LRP4: variants seen among roughly 807,000 people sequenced by gnomAD.
LRP4 encodes LDL receptor related protein 4.
Under a neutral mutation model 220.3 loss-of-function variants are expected in LRP4, and 95 were observed. The ratio of observed to expected loss-of-function variants is 0.43; its 90% confidence interval spans 0.37 to 0.51. The LOEUF is 0.51. Ranked by LOEUF, LRP4 falls within the 20% of genes least tolerant of loss-of-function variation. The probability of loss-of-function intolerance (pLI) is 0.00; values close to 1 mark genes in which losing one functional copy is unlikely to be tolerated. For synonymous variants in LRP4, 903 were observed against 954.6 expected, an observed-to-expected ratio of 0.95 and a Z score of 1.00; for missense variants, 1,925 against 2,567.0, an observed-to-expected ratio of 0.75 and a Z score of 5.40.
intron 35 of LRP4, 123 bp from the exon 36 acceptor site, chr11:46,864,658 G>T: frequency 1.4e-6 from 1 of 725,170 alleles, no homozygotes. Flanking sequence ...TCTGAGGATG[G>T]CTAAGGGCCT....
intron 1 of LRP4, among the ~76,000 whole-genome samples, chr11:46,915,011 G>A (rs1408403109): frequency 1.3e-5 from 2 of 152,124 alleles, no homozygotes; most frequent in African/African-American, 2.4e-5. Context: ...CATACCCAAC[G>A]TGCTCTGTAT....
rs748636802 is a variant in LRP4 at position 46,879,008 on chromosome 11, C to A, written c.3035G>T (p.Gly1012Val). The A allele has an allele frequency of 3.7e-6, 6 of 1,614,124 alleles. No individual in the cohort carries two copies. The Admixed American group carries it at 8.3e-5, about 22-fold the overall frequency. Residue 1012 changes from glycine (G) to valine (V), a missense_variant, in exon 22 of 38, where the codon GGC becomes GTC. Around this residue, in one of 3 missense-constraint regions of LRP4, gnomAD observed 1,244 missense variants for 1,624.9 expected, o/e 0.77. Coordinates refer to ENST00000378623, the MANE Select transcript of LRP4 (RefSeq NM_002334.4). Reference protein sequence around the residue: ...VSTPCAMENGGCSHLCLRSPN... With the variant: ...VSTPCAMENGVCSHLCLRSPN... ...GGACCTAAGACACAGGTGGCTACAG[C>A]CGCCATTCTCCATAGCACATGGTGT... is the stretch of plus-strand genomic sequence containing the variant.
chr11:46,872,900 C>A (rs1211413822), intron 30 of LRP4, among the ~76,000 whole-genome samples, 200 bp downstream of exon 30: 1 of 152,202 alleles, frequency 6.6e-6, no homozygotes, highest in African/African-American at 2.4e-5. Context: ...TGTAAACCAG[C>A]CAAACAAAAC....
At chr11:46,863,009 A>G (rs1940598892) in intron 36 of LRP4, 1 of 486,814 alleles carries the variant, frequency 2.1e-6, no homozygotes, top group Non-Finnish European at 3.7e-6. Context: ...GCCCTCCCTC[A>G]TTCTCTTTTG....
chr11:46,878,888 C>G lies in LRP4; in HGVS notation c.3136+19G>C. On this transcript the variant is annotated intron_variant, in intron 22 of 37. Coordinates refer to ENST00000378623, the MANE Select transcript of LRP4 (RefSeq NM_002334.4). ...CCTCCCAGAGAGGCTGCATCTAGAT[C>G]TGTGATGCTTTCACTCACCTGGTGA... 1 of 1,613,944 alleles carries G rather than the reference C, an allele frequency of 6.2e-7. No individual in the cohort carries two copies. The highest frequency in any genetic ancestry group is 1.3e-5 in the African/African-American group (1 of 75,048).
chr11:46,871,656 G>A, intron 30 of LRP4, 23 bp from the exon 31 acceptor site: 1 of 1,517,174 alleles, frequency 6.6e-7, no homozygotes, highest in Non-Finnish European at 9.1e-7. Context: ...TGAAAAGAGT[G>A]GCTGCTCCAA....
In LRP4 at chr11:46,899,639, A is replaced by C. The variant is rs995156310; in HGVS notation, c.431-136T>G. 8.2e-5 allele frequency: 63 copies of C among 772,660 alleles called. No homozygotes were observed. Among genetic ancestry groups the C allele is most frequent in the Middle Eastern group, 2.7e-4 (1 of 3,662 alleles). 47.9% of individuals were successfully genotyped at this position (772,660 alleles called of 1,614,324 possible). On this transcript the variant is annotated intron_variant, in intron 4 of 37. Coordinates refer to ENST00000378623, the MANE Select transcript of LRP4 (RefSeq NM_002334.4). The surrounding 1 kb of genome is among the most constrained non-coding windows in gnomAD (Gnocchi z 5.9). ...GAAAGGCACCCCAGAGTCAGTGCAG[A>C]CTCTCCAGGGAGAACGGAGGCCCTG...
rs1941074584 is a variant in LRP4 at position 46,878,600 on chromosome 11, G to C, written c.3136+307C>G. Among the ~76,000 whole-genome samples the C allele has an allele frequency of 2.6e-5, 4 of 152,090 alleles. No individual in the cohort carries two copies. The South Asian group carries it at 8.3e-4, about 32-fold the overall frequency. On this transcript the variant is annotated intron_variant, in intron 22 of 37. Coordinates refer to ENST00000378623, the MANE Select transcript of LRP4 (RefSeq NM_002334.4). Reference sequence around the variant, plus strand: ...GAAGTGTCTTATTCCAACCAAATCAGTATATTATGACAATGTACTAAGAGA... The same window carrying C: ...GAAGTGTCTTATTCCAACCAAATCACTATATTATGACAATGTACTAAGAGA...
At chr11:46,908,765 C>A (rs1941804262) in intron 1 of LRP4, among the ~76,000 whole-genome samples, 2 of 152,208 alleles carry the variant, frequency 1.3e-5, no homozygotes, top group African/African-American at 4.8e-5. Context: ...GTCTGGCGTC[C>A]CAGCACTTTT....
At chr11:46,879,073 G>T in intron 21 of LRP4, 35 bp from the exon 22 acceptor site, 1 of 1,614,230 alleles carries the variant, frequency 6.2e-7, no homozygotes, top group South Asian at 1.1e-5. Flanking sequence ...AATGGGGAGA[G>T]CTAGGGCATA....
chr11:46,887,779 C>T (rs942794026), intron 16 of LRP4, among the ~76,000 whole-genome samples: 4 of 151,762 alleles, frequency 2.6e-5, no homozygotes, highest in Admixed American at 1.3e-4. Context: ...TACAATGAGC[C>T]GAGATCATGC....
At chr11:46,862,395 T>C (rs1181377128) in intron 37 of LRP4, among the ~76,000 whole-genome samples, 1 of 152,230 alleles carries the variant, frequency 6.6e-6, no homozygotes, top group Non-Finnish European at 1.5e-5. Flanking sequence ...CCTTCTAACC[T>C]GGCTCTCACT....
Position 46,873,170 on chromosome 11 carries a change from C to G in LRP4, c.4513G>C (p.Glu1505Gln), listed in dbSNP as rs1257825434. The G allele has an allele frequency of 6.2e-7, 1 of 1,614,070 alleles. No individual in the cohort carries two copies. The highest frequency in any genetic ancestry group is 2.2e-5 in the East Asian group (1 of 44,896). ...KIERANLDGS[E>Q]RKVLINTDLG... ...TCTGTGTTGATGAGGACCTTCCGCTCAGAACCATCCAAGTTTGCCCGTTCG... is the reference window on the plus strand; with the variant it reads ...TCTGTGTTGATGAGGACCTTCCGCTGAGAACCATCCAAGTTTGCCCGTTCG... Residue 1505 changes from glutamate (E) to glutamine (Q), a missense_variant, in exon 30 of 38, where the codon GAG becomes CAG. By Grantham distance (29) the Glu-to-Gln change is conservative (BLOSUM62 2). Transcript: ENST00000378623. The surrounding 1 kb of genome is among the most constrained non-coding windows in gnomAD (Gnocchi z 4.2).
chr11:46,913,592 G>A (rs1941902806), intron 1 of LRP4, among the ~76,000 whole-genome samples: 1 of 152,110 alleles, frequency 6.6e-6, no homozygotes, highest in Non-Finnish European at 1.5e-5. Flanking sequence ...TATGAGCTCT[G>A]GAGCCTGACT....
At chr11:46,894,039 G>A (rs936753656) in intron 12 of LRP4, among the ~76,000 whole-genome samples, 7 of 150,758 alleles carry the variant, frequency 4.6e-5, no homozygotes, top group African/African-American at 9.8e-5. Flanking sequence ...TTACAGGCAT[G>A]CGCCACCACG....
chr11:46,912,949 G>A (rs1043400393), intron 1 of LRP4, among the ~76,000 whole-genome samples: 5 of 152,034 alleles, frequency 3.3e-5, no homozygotes, highest in African/African-American at 2.4e-5. Flanking sequence ...TTTTGTTTCC[G>A]GCTCTGCTTG....
At chr11:46,863,807 T>G (rs1362460669) in intron 36 of LRP4, among the ~76,000 whole-genome samples, 1 of 151,914 alleles carries the variant, frequency 6.6e-6, no homozygotes, top group Non-Finnish European at 1.5e-5. Flanking sequence ...GAGCCTCAGA[T>G]CCTCATCTGT....
At chr11:46,891,478 T>C (rs184732005) in intron 13 of LRP4, among the ~76,000 whole-genome samples, 45 of 148,770 alleles carry the variant, frequency 3.0e-4, no homozygotes, top group African/African-American at 1.0e-3. Flanking sequence ...CACACACACA[T>C]ACACACACAC....
intron 36 of LRP4, among the ~76,000 whole-genome samples, chr11:46,863,490 C>A (rs1242034877): frequency 6.7e-6 from 1 of 148,730 alleles, no homozygotes; most frequent in Non-Finnish European, 1.5e-5. Flanking sequence ...GTAATCTTGG[C>A]ACTTAGAGAG....
Sources: gnomAD v4.1 joint callset for allele counts (sites outside exome capture counted in the v4.1 genomes callset) on GRCh38, gnomAD v4.1.1 for gene constraint, gnomAD v4.1.1 regional missense constraint, Gnocchi (gnomAD v3.1) non-coding constraint, MANE v1.5 for transcripts, NCBI Gene and HGNC (gene_info 2026-07-23, HGNC 2026-07-21) for gene names.